Variants in KIAA1217 observed in about 807,000 individuals in gnomAD.
KIAA1217 encodes the protein KIAA1217.
A neutral mutation model predicts 163.9 loss-of-function variants in KIAA1217; 88 were observed. The ratio of observed to expected loss-of-function variants is 0.54; its 90% confidence interval spans 0.45 to 0.64. KIAA1217 has a LOEUF of 0.64. Ranked by LOEUF, KIAA1217 falls within the 30% of genes least tolerant of loss-of-function variation. KIAA1217 has a pLI of 0.00. For missense variants in KIAA1217, 2,372 were observed against 2,475.0 expected, an observed-to-expected ratio of 0.96 and a Z score of 0.88; for synonymous variants, 903 against 923.1, an observed-to-expected ratio of 0.98 and a Z score of 0.39.
chr10:24,018,177 A>T (rs970126322), intron 2 of KIAA1217, among the ~76,000 whole-genome samples: 1 of 152,120 alleles, frequency 6.6e-6, no homozygotes, highest in African/African-American at 2.4e-5. Flanking sequence ...CCAAACAAAA[A>T]GTCACCAAAC....
intron 1 of KIAA1217, among the ~76,000 whole-genome samples, chr10:23,794,919 A>G (rs1439995708): frequency 6.6e-6 from 1 of 152,222 alleles, no homozygotes; most frequent in Non-Finnish European, 1.5e-5. Context: ...CTCTTTGAAT[A>G]GCTGATTACA....
chr10:24,417,361 A>C (rs186288137), intron 3 of KIAA1217, among the ~76,000 whole-genome samples: 4 of 152,280 alleles, frequency 2.6e-5, no homozygotes, highest in African/African-American at 9.6e-5. Flanking sequence ...CAAGGCGTGA[A>C]ATTTGAGTGT....
At chr10:23,779,083 T>C (rs1343556518) in intron 1 of KIAA1217, among the ~76,000 whole-genome samples, 1 of 152,196 alleles carries the variant, frequency 6.6e-6, no homozygotes, top group African/African-American at 2.4e-5. Flanking sequence ...ATAAGATAAC[T>C]TTCCTGCTAT....
upstream of KIAA1217, among the ~76,000 whole-genome samples, chr10:24,204,312 G>A (rs2067428500): frequency 6.6e-6 from 1 of 152,086 alleles, no homozygotes; most frequent in Non-Finnish European, 1.5e-5. Flanking sequence ...GAGGTTACCT[G>A]GTGAAATTGT....
Position 24,323,138 on chromosome 10 carries a change from G to A in KIAA1217, c.355-57731G>A, listed in dbSNP as rs546243587. ...CTAATTAAAAAAAAAAAATGTTTTT[G>A]TAGAGATGAGTCTTGCTATGTTGCC... On this transcript the variant is annotated intron_variant, in intron 2 of 20. Coordinates refer to ENST00000376454, the MANE Select transcript of KIAA1217 (RefSeq NM_019590.5). Among the ~76,000 whole-genome samples the A allele has an allele frequency of 1.8e-4, 27 of 151,722 alleles. No homozygotes were observed. The South Asian group carries it at 5.2e-3, about 29-fold the overall frequency.
intron 2 of KIAA1217, among the ~76,000 whole-genome samples, chr10:24,316,231 C>T (rs2133174465): frequency 6.6e-6 from 1 of 152,252 alleles, no homozygotes; most frequent in East Asian, 1.9e-4. Context: ...ATTTGAGTCC[C>T]TTCAAAGTGA....
At chr10:23,910,229 G>A (rs561574665) in intron 1 of KIAA1217, among the ~76,000 whole-genome samples, 54 of 151,882 alleles carry the variant, frequency 3.6e-4, no homozygotes, top group Middle Eastern at 3.4e-3. Flanking sequence ...ACAAACTACC[G>A]TGGCACGTGT....
intron 17 of KIAA1217, among the ~76,000 whole-genome samples, chr10:24,539,628 A>G (rs2074700806): frequency 6.6e-6 from 1 of 152,192 alleles, no homozygotes; most frequent in Admixed American, 6.6e-5. Flanking sequence ...CTGGCTAATA[A>G]GCAGGTCTTT....
chr10:24,242,908 G>A (rs971835532), intron 2 of KIAA1217, among the ~76,000 whole-genome samples: 2 of 152,058 alleles, frequency 1.3e-5, no homozygotes, highest in African/African-American at 4.8e-5. Flanking sequence ...GTCTGTTTAT[G>A]TCTTTTGTCC....
At chr10:23,710,931 A>C (rs981140461) in intron 1 of KIAA1217, among the ~76,000 whole-genome samples, 3 of 152,238 alleles carry the variant, frequency 2.0e-5, no homozygotes, top group Non-Finnish European at 2.9e-5. Flanking sequence ...GCCAGATAGA[A>C]AATGAAAAGA....
intron 5 of KIAA1217, among the ~76,000 whole-genome samples, chr10:24,451,796 G>A (rs1592055381): frequency 6.6e-6 from 1 of 152,152 alleles, no homozygotes; most frequent in Non-Finnish European, 1.5e-5. Flanking sequence ...AGGTGTTGGC[G>A]GAGATTGCTT....
At chr10:24,472,315 A>C (rs1040779089) in intron 5 of KIAA1217, among the ~76,000 whole-genome samples, 1 of 152,190 alleles carries the variant, frequency 6.6e-6, no homozygotes, top group African/African-American at 2.4e-5. Flanking sequence ...TTATTGCTTA[A>C]TTATTTCCTT....
chr10:24,462,107 C>T (rs2062466274), intron 5 of KIAA1217, among the ~76,000 whole-genome samples: 1 of 151,132 alleles, frequency 6.6e-6, no homozygotes, highest in Admixed American at 6.6e-5. Context: ...TGGTGATATC[C>T]ATATAGTACT....
chr10:23,982,030 T>C (rs1347657877), intron 1 of KIAA1217, among the ~76,000 whole-genome samples: 1 of 151,890 alleles, frequency 6.6e-6, no homozygotes. Flanking sequence ...AAGCTGAGAA[T>C]GGAACTGGCT....
At chr10:23,883,391 T>C (rs1564504597) in intron 1 of KIAA1217, among the ~76,000 whole-genome samples, 2 of 151,840 alleles carry the variant, frequency 1.3e-5, no homozygotes, top group African/African-American at 4.8e-5. Flanking sequence ...AAAAAGGAAA[T>C]GTAAAAAAAT....
At chr10:24,483,956 G>C (rs560075157) in intron 6 of KIAA1217, among the ~76,000 whole-genome samples, 1 of 152,004 alleles carries the variant, frequency 6.6e-6, no homozygotes, top group African/African-American at 2.4e-5. Flanking sequence ...AGTCACTAAG[G>C]GAGGCAGCTC....
intron 5 of KIAA1217, 49 bp from the exon 6 acceptor site, chr10:24,473,179 G>C: frequency 7.4e-7 from 1 of 1,345,994 alleles, no homozygotes. Context: ...GACTTCTCTT[G>C]AAACACGAAT....
At position 23,695,978 on chromosome 10, in the gene KIAA1217, T is replaced by C. The variant is rs1422684927; in HGVS notation, c.-321+744T>C. Among the ~76,000 whole-genome samples, 2 of 152,128 alleles carry C rather than the reference T, an allele frequency of 1.3e-5. No individual in the cohort carries two copies. The highest frequency in any genetic ancestry group is 4.8e-5 in the African/African-American group (2 of 41,438). On this transcript the variant is annotated intron_variant, in intron 1 of 18. Coordinates refer to the KIAA1217 transcript ENST00000376462. This position sits in a 1 kb window ranked among gnomAD's most constrained non-coding sequence, Gnocchi z 4.9. Reference sequence around the variant, plus strand: ...CCTTCCGGCTGGCTGCCCTCCCCGCTCGCCGCTCTCCCCGCGCCGCTGCGG... The same window carrying C: ...CCTTCCGGCTGGCTGCCCTCCCCGCCCGCCGCTCTCCCCGCGCCGCTGCGG...
At chr10:24,251,650 C>T (rs565809180) in intron 2 of KIAA1217, among the ~76,000 whole-genome samples, 2 of 152,012 alleles carry the variant, frequency 1.3e-5, no homozygotes, top group Non-Finnish European at 2.9e-5. Flanking sequence ...CATCCCACAC[C>T]TGCCTCCCTT....
Sources: gnomAD v4.1 joint callset for allele counts (sites outside exome capture counted in the v4.1 genomes callset) on GRCh38, gnomAD v4.1.1 for gene constraint, Gnocchi (gnomAD v3.1) non-coding constraint, MANE v1.5 for transcripts, NCBI Gene and HGNC (gene_info 2026-07-23, HGNC 2026-07-21) for gene names.